Variants in DGKG observed in about 807,000 individuals in gnomAD.
DGKG encodes the protein diacylglycerol kinase gamma.
A neutral mutation model predicts 105.3 loss-of-function variants in DGKG; 78 were observed. That is an observed-to-expected ratio of 0.74 (90% confidence interval 0.62 to 0.89). DGKG has a LOEUF of 0.89. Among genes scored for constraint, DGKG ranks in the 40% least tolerant of loss-of-function variants. The probability of loss-of-function intolerance (pLI) is 0.00; values close to 1 mark genes in which losing one functional copy is unlikely to be tolerated. For missense variants in DGKG, 958 were observed against 1,020.1 expected, an observed-to-expected ratio of 0.94 and a Z score of 0.83; for synonymous variants, 346 against 367.1, an observed-to-expected ratio of 0.94 and a Z score of 0.66.
At chr3:186,355,597 TACC>T (rs1162527762) in intron 1 of DGKG, among the ~76,000 whole-genome samples, 4 of 147,204 alleles carry the variant, frequency 2.7e-5, no homozygotes, top group African/African-American at 5.1e-5. Context: ...ACCCCACCAC[TACC>T]ACCACCACAA....
chr3:186,347,579 A>AT (rs1227691944), intron 1 of DGKG, among the ~76,000 whole-genome samples: 4 of 145,470 alleles, frequency 2.7e-5, no homozygotes, highest in South Asian at 2.2e-4. Flanking sequence ...TTTTTTACGT[A>AT]TTTTTTTTCT....
chr3:186,184,643 G>A (rs185363064), intron 22 of DGKG, among the ~76,000 whole-genome samples: 138 of 152,010 alleles, frequency 9.1e-4, no homozygotes, highest in African/African-American at 3.2e-3. Context: ...CAAGTGATTC[G>A]CCTGCCTCGG....
intron 5 of DGKG, among the ~76,000 whole-genome samples, chr3:186,297,061 G>GTC (rs1491157719): frequency 0.031 from 802 of 26,114 alleles, 16 homozygotes; most frequent in Middle Eastern, 0.12. Flanking sequence ...CTGTCTGTCT[G>GTC]TCTCTCTCAC....
intron 18 of DGKG, among the ~76,000 whole-genome samples, chr3:186,252,590 G>T (rs1306850059): frequency 6.6e-6 from 1 of 152,226 alleles, no homozygotes; most frequent in Non-Finnish European, 1.5e-5. Context: ...TTCAAAATGA[G>T]GGCCCATGGC....
At chr3:186,152,787 C>G (rs1715827738) in intron 24 of DGKG, among the ~76,000 whole-genome samples, 1 of 152,156 alleles carries the variant, frequency 6.6e-6, no homozygotes, top group African/African-American at 2.4e-5. Flanking sequence ...CCTCAGCCTC[C>G]TGAGTAGCTG....
chr3:186,161,631 C>T lies in DGKG; in HGVS notation c.2249G>A (p.Gly750Glu). Residue 750 changes from glycine (G) to glutamate (E), a missense_variant, in exon 24 of 25, where the codon GGA becomes GAA. Gly to Glu is a moderately conservative substitution (Grantham distance 98). Coordinates refer to ENST00000265022, the MANE Select transcript of DGKG (RefSeq NM_001346.3). ...GCAACATGGCTGCATCCAGGGTTCT[C>T]CATCCACTTGCATTGGCAGCAGCTT... ...TNKLLPMQVD[G>E]EPWMQPCCTI... 5.0e-6 allele frequency: 8 copies of T among 1,614,208 alleles called. No homozygotes were observed. Among genetic ancestry groups the T allele is most frequent in the Non-Finnish European group, 6.8e-6 (8 of 1,180,028 alleles).
rs568921150 is a variant in DGKG, at chr3:186,218,586, T to G, written c.1827-6701A>C. ...TCCAAGCTCCCCAGACAACTTGAGA[T>G]GACACAATTCAGAACAGGATGGGAG... On this transcript the variant is annotated intron_variant, in intron 20 of 24. Transcript: ENST00000265022. 1.4e-4 allele frequency among the ~76,000 whole-genome samples: 21 copies of G among 150,228 alleles called. No homozygotes were observed. The South Asian group carries it at 4.4e-3, about 32-fold the overall frequency.
At chr3:186,288,357 A>C (rs1321742640) in intron 6 of DGKG, among the ~76,000 whole-genome samples, 3 of 152,226 alleles carry the variant, frequency 2.0e-5, no homozygotes, top group African/African-American at 7.2e-5. Flanking sequence ...TCTTTAAAAA[A>C]TCTATTAAGA....
chr3:186,176,878 C>T (rs995727743), intron 22 of DGKG, among the ~76,000 whole-genome samples: 2 of 152,230 alleles, frequency 1.3e-5, no homozygotes, highest in African/African-American at 4.8e-5. Flanking sequence ...GCTGATGCCT[C>T]TGCTCTGCTA....
At chr3:186,345,277 TG>T (rs774257209) in intron 1 of DGKG, among the ~76,000 whole-genome samples, 1 of 152,226 alleles carries the variant, frequency 6.6e-6, no homozygotes, top group Non-Finnish European at 1.5e-5. Context: ...CACAACACTT[TG>T]TTTTAAGGGT....
chr3:186,298,487 G>A (rs964187146), intron 3 of DGKG, among the ~76,000 whole-genome samples: 2 of 152,170 alleles, frequency 1.3e-5, no homozygotes, highest in Admixed American at 1.3e-4. Flanking sequence ...CAGAACCAGG[G>A]CAGGCTCCTG....
intron 21 of DGKG, among the ~76,000 whole-genome samples, chr3:186,198,125 G>A (rs1182521458): frequency 6.6e-6 from 1 of 152,202 alleles, no homozygotes; most frequent in Non-Finnish European, 1.5e-5. Context: ...AAGAAATAAT[G>A]TGTGCAAAAA....
chr3:186,339,875 T>C lies in DGKG; in HGVS notation c.-248-19168A>G, dbSNP rs186537354. 2.6e-5 allele frequency among the ~76,000 whole-genome samples: 4 copies of C among 152,318 alleles called. No individual in the cohort carries two copies. In the East Asian group the frequency reaches 5.8e-4, roughly 22 times the overall value. ...ATGTCCTCCATGACATTTCCTATAT[T>C]TGTGGTCTTGAGCATACTATTTATT... On this transcript the variant is annotated intron_variant, in intron 1 of 24. Transcript: ENST00000265022.
intron 1 of DGKG, among the ~76,000 whole-genome samples, chr3:186,325,313 G>GTGA (rs1480492776): frequency 6.6e-6 from 1 of 152,122 alleles, no homozygotes; most frequent in African/African-American, 2.4e-5. Context: ...CACTACCTGG[G>GTGA]TGATGGGATC....
At chr3:186,339,436 C>T (rs1414272473) in intron 1 of DGKG, among the ~76,000 whole-genome samples, 7 of 152,128 alleles carry the variant, frequency 4.6e-5, no homozygotes, top group Non-Finnish European at 7.3e-5. Context: ...TTACATGCCT[C>T]CACCGGAGAG....
chr3:186,258,989 A>G (rs1201254136), intron 16 of DGKG, among the ~76,000 whole-genome samples: 1 of 152,202 alleles, frequency 6.6e-6, no homozygotes, highest in African/African-American at 2.4e-5. Flanking sequence ...GCCTAAGGTC[A>G]ATATTTCCAA....
intron 16 of DGKG, among the ~76,000 whole-genome samples, chr3:186,260,027 T>C (rs954489432): frequency 1.5e-4 from 23 of 152,170 alleles, no homozygotes; most frequent in African/African-American, 5.3e-4. Context: ...TCTGAGTCAC[T>C]GTCTAGATTT....
At chr3:186,166,081 C>T (rs1458515740) in intron 22 of DGKG, among the ~76,000 whole-genome samples, 5 of 152,120 alleles carry the variant, frequency 3.3e-5, no homozygotes, top group African/African-American at 1.2e-4. Context: ...TTAAGATTGG[C>T]AAGGAGATAT....
chr3:186,286,756 G>A lies in DGKG; in HGVS notation c.544+1954C>T, dbSNP rs554552900. ...TTTCTGTAACAAAAAATTGCAGGCC[G>A]GGTGCCATGGCTCACACCTGTAATC... is the stretch of plus-strand genomic sequence containing the variant. On this transcript the variant is annotated intron_variant, in intron 6 of 24. Coordinates refer to ENST00000265022, the MANE Select transcript of DGKG (RefSeq NM_001346.3). Among the ~76,000 whole-genome samples, 19 of 152,214 alleles carry A rather than the reference G, an allele frequency of 1.2e-4. No individual in the cohort carries two copies. The South Asian group carries it at 3.3e-3, about 27-fold the overall frequency.
Sources: allele counts gnomAD v4.1 joint callset (sites outside exome capture counted in the v4.1 genomes callset), GRCh38; gene constraint gnomAD v4.1.1; transcripts MANE v1.5; gene names NCBI Gene and HGNC (gene_info 2026-07-23, HGNC 2026-07-21).